The following TTC6 variants were observed in gnomAD, a reference collection of about 807,000 sequenced individuals.
TTC6 encodes the protein tetratricopeptide repeat protein 6.
Under a neutral mutation model 210.4 loss-of-function variants are expected in TTC6, and 172 were observed. That is an observed-to-expected ratio of 0.82 (90% CI 0.72 to 0.93). The LOEUF is 0.93. TTC6 is among the 40% of genes least tolerant of loss of function. The probability of loss-of-function intolerance (pLI) is 0.00; values close to 1 mark genes in which losing one functional copy is unlikely to be tolerated. For missense variants in TTC6, 2,414 were observed against 2,318.1 expected, an observed-to-expected ratio of 1.04 and a Z score of -0.85; for synonymous variants, 804 against 819.6, an observed-to-expected ratio of 0.98 and a Z score of 0.32.
At chr14:37,820,309 A>G (rs2096152393) in intron 26 of TTC6, among the ~76,000 whole-genome samples, 1 of 152,124 alleles carries the variant, frequency 6.6e-6, no homozygotes, top group African/African-American at 2.4e-5. Flanking sequence ...GTCTTTCAAG[A>G]TCTCTTTTCA....
chr14:37,727,161 C>A (rs2138851451), intron 7 of TTC6, among the ~76,000 whole-genome samples: 1 of 151,924 alleles, frequency 6.6e-6, no homozygotes, highest in African/African-American at 2.4e-5. Context: ...GTTTAACCCA[C>A]CATCTTTGAC....
intron 2 of TTC6, among the ~76,000 whole-genome samples, chr14:37,608,632 C>G (rs1222311341): frequency 6.6e-6 from 1 of 152,154 alleles, no homozygotes; most frequent in Non-Finnish European, 1.5e-5. Context: ...AAATCAAAAT[C>G]TTTCATCCAA....
chr14:37,724,954 C>A (rs1424724150), exon 7 of TTC6: 2 of 1,529,648 alleles, frequency 1.3e-6, no homozygotes, highest in Non-Finnish European at 1.8e-6. Flanking sequence ...CACCTAAATT[C>A]TCTGTTCCAG....
At chr14:37,810,619 A>C (rs975646544) in intron 24 of TTC6, among the ~76,000 whole-genome samples, 5 of 152,098 alleles carry the variant, frequency 3.3e-5, no homozygotes, top group Admixed American at 3.3e-4. Flanking sequence ...TGGCTTTGTA[A>C]AACTGTCTGA....
intron 29 of TTC6, among the ~76,000 whole-genome samples, chr14:37,835,218 A>G (rs1463346535): frequency 3.3e-5 from 5 of 152,148 alleles, no homozygotes; most frequent in African/African-American, 1.2e-4. Flanking sequence ...AGTGGTGTCC[A>G]TGGCAGGGTG....
At chr14:37,819,673 G>A (rs2096150970) in intron 26 of TTC6, among the ~76,000 whole-genome samples, 1 of 152,142 alleles carries the variant, frequency 6.6e-6, no homozygotes, top group Admixed American at 6.5e-5. Context: ...TTTTACTTCA[G>A]CACATTTATT....
At chr14:37,635,752 G>T (rs2139361877) in intron 1 of TTC6, among the ~76,000 whole-genome samples, 1 of 152,228 alleles carries the variant, frequency 6.6e-6, no homozygotes, top group Admixed American at 6.5e-5. Flanking sequence ...GCTGAGGCGG[G>T]TAGATCATGT....
intron 7 of TTC6, among the ~76,000 whole-genome samples, chr14:37,730,111 T>C (rs1264238822): frequency 6.6e-6 from 1 of 152,194 alleles, no homozygotes; most frequent in Non-Finnish European, 1.5e-5. Context: ...GGAACTGGCA[T>C]TGACTCTTTC....
chr14:37,615,357 T>G (rs898428194), intron 2 of TTC6, among the ~76,000 whole-genome samples: 6 of 152,164 alleles, frequency 3.9e-5, no homozygotes, highest in Non-Finnish European at 5.9e-5. Flanking sequence ...AGATTCTCTC[T>G]TTGTCACTCA....
intron 14 of TTC6, among the ~76,000 whole-genome samples, chr14:37,780,824 T>A (rs918302107): frequency 6.6e-6 from 1 of 152,088 alleles, no homozygotes; most frequent in African/African-American, 2.4e-5. Context: ...ATCCCCTCCC[T>A]GTGTCTATGT....
chr14:37,807,119 C>T (rs576873839), intron 22 of TTC6, among the ~76,000 whole-genome samples: 1 of 151,922 alleles, frequency 6.6e-6, no homozygotes, highest in South Asian at 2.1e-4. Context: ...ATTATTAACT[C>T]CAGGTGATAG....
intron 16 of TTC6, among the ~76,000 whole-genome samples, chr14:37,791,387 C>A (rs1261865555): frequency 6.6e-6 from 1 of 152,054 alleles, no homozygotes; most frequent in Non-Finnish European, 1.5e-5. Context: ...AACTGTAAAT[C>A]ACAGAATTTA....
exon 27 of TTC6, chr14:37,823,801 C>G (rs781561025): frequency 1.2e-6 from 2 of 1,613,976 alleles, no homozygotes; most frequent in Non-Finnish European, 1.7e-6. Flanking sequence ...TTAAAATTAA[C>G]CCATGTTTTC....
At chr14:37,657,349 T>A (rs1169874764) in intron 1 of TTC6, among the ~76,000 whole-genome samples, 4 of 139,444 alleles carry the variant, frequency 2.9e-5, no homozygotes, top group Non-Finnish European at 4.7e-5. Context: ...GCTTTCTATT[T>A]AAAAAAAAAA....
At chr14:37,840,808 G>A (rs2096208249) in intron 29 of TTC6, among the ~76,000 whole-genome samples, 1 of 151,626 alleles carries the variant, frequency 6.6e-6, no homozygotes, top group Admixed American at 6.6e-5. Context: ...TCTATTTTAT[G>A]CTTTAACATT....
At chr14:37,792,512 T>G in intron 17 of TTC6, 98 bp downstream of exon 19, 1 of 951,466 alleles carries the variant, frequency 1.1e-6, no homozygotes, top group Non-Finnish European at 1.4e-6. Flanking sequence ...TTTTAGCTAA[T>G]TGTAGGGGCT....
At chr14:37,821,005 CTCTTCTTCTTCTTCTTCCTCT>C (rs1044745568) in intron 26 of TTC6, among the ~76,000 whole-genome samples, 13 of 97,958 alleles carry the variant, frequency 1.3e-4, no homozygotes, top group African/African-American at 2.1e-4. Flanking sequence ...CTTCCTCTTG[CTCTTCTTCTTCTTCTTCCTCT>C]TCTTCTTCTT....
At chr14:37,837,457 A>G (rs781661622) in intron 29 of TTC6, 9 of 452,846 alleles carry the variant, frequency 2.0e-5, no homozygotes, top group Admixed American at 1.4e-4. Context: ...CCTCCCCCCA[A>G]CCTGTCCCAG....
chr14:37,777,081 T>C (rs1017855489), intron 14 of TTC6, among the ~76,000 whole-genome samples: 2 of 152,140 alleles, frequency 1.3e-5, no homozygotes, highest in African/African-American at 4.8e-5. Context: ...GTCTTGGGGA[T>C]GGTCTTTTTA....
Sources: gnomAD v4.1 joint callset for allele counts (sites outside exome capture counted in the v4.1 genomes callset) on GRCh38, gnomAD v4.1.1 for gene constraint, MANE v1.5 for transcripts, NCBI Gene and HGNC (gene_info 2026-07-23, HGNC 2026-07-21) for gene names.